The following ANO3 variants were observed in gnomAD, a reference collection of about 807,000 sequenced individuals.
The protein encoded by ANO3 is anoctamin 3, also known as anoctamin-3.
In ANO3, 99 loss-of-function variants were observed where a neutral mutation model predicts 144.8. The observed-to-expected ratio is 0.68, with a 90% CI of 0.58 to 0.81. The LOEUF is 0.81. Among genes scored for constraint, ANO3 ranks in the 30% least tolerant of loss-of-function variants. The probability of loss-of-function intolerance (pLI) is 0.00; values close to 1 mark genes in which losing one functional copy is unlikely to be tolerated. For missense variants in ANO3, 905 were observed against 1,202.2 expected, an observed-to-expected ratio of 0.75 and a Z score of 3.66; for synonymous variants, 414 against 392.6, an observed-to-expected ratio of 1.05 and a Z score of -0.64.
intron 3 of ANO3, among the ~76,000 whole-genome samples, chr11:26,447,976 TG>T (rs1353845599): frequency 2.0e-5 from 3 of 152,158 alleles, no homozygotes; most frequent in Non-Finnish European, 2.9e-5. Flanking sequence ...CCCATGCCCA[TG>T]TGGCTATAAA....
At chr11:26,244,116 G>GGAA in intron 1 of ANO3, among the ~76,000 whole-genome samples, 1 of 94,706 alleles carries the variant, frequency 1.1e-5, no homozygotes, top group African/African-American at 3.9e-5. Flanking sequence ...GACTCTGTCT[G>GGAA]AAAAAAAAAA....
At chr11:26,599,441 A>C in intron 16 of ANO3, 109 bp from the exon 17 acceptor site, 3 of 1,111,224 alleles carry the variant, frequency 2.7e-6, no homozygotes, top group East Asian at 4.8e-5. Context: ...CTTTCTTGGA[A>C]AGGTAAATAC....
chr11:26,407,784 C>T (rs928809001), intron 1 of ANO3, among the ~76,000 whole-genome samples: 8 of 151,954 alleles, frequency 5.3e-5, no homozygotes, highest in African/African-American at 1.4e-4. Context: ...TTGAGAGCTG[C>T]TCCATGCTTT....
At position 26,647,799 on chromosome 11, in the gene ANO3, G is replaced by A. The variant is rs760440839; in HGVS notation, c.2519G>A (p.Arg840His). 30 of 1,612,992 alleles carry A rather than the reference G, an allele frequency of 1.9e-5. No homozygotes were observed. Among genetic ancestry groups the A allele is most frequent in the Non-Finnish European group, 2.4e-5 (28 of 1,179,432 alleles). The change falls in exon 24 of 27, where the codon CGT (arginine) becomes CAT (histidine). Residue 840 changes from arginine (R) to histidine (H), a missense_variant. Physicochemically the swap from Arg to His is conservative, Grantham distance 29. Around this residue, in one of 4 missense-constraint regions of ANO3, gnomAD observed 597 missense variants for 865.1 expected, o/e 0.69. Coordinates refer to ENST00000256737, the MANE Select transcript of ANO3 (RefSeq NM_031418.4). ...GCTATTACTTCTGATTACATCCCAC[G>A]TTTTGTTTATGAATACAAATATGGC... ...VIAITSDYIP[R>H]FVYEYKYGPC...
intron 12 of ANO3, among the ~76,000 whole-genome samples, chr11:26,548,130 A>G (rs1172416428): frequency 6.6e-6 from 1 of 151,878 alleles, no homozygotes; most frequent in Non-Finnish European, 1.5e-5. Flanking sequence ...CTACCCTATT[A>G]TTACTCTCTG....
chr11:26,546,906 A>G (rs1340085735), intron 11 of ANO3, among the ~76,000 whole-genome samples: 1 of 151,888 alleles, frequency 6.6e-6, no homozygotes, highest in African/African-American at 2.4e-5. Context: ...GGTAAGTGCC[A>G]TGTGCTTTGG....
chr11:26,189,357 A>T (rs1851432674), intron 1 of ANO3: 1 of 979,492 alleles, frequency 1.0e-6, no homozygotes, highest in South Asian at 4.7e-5. Flanking sequence ...ATTGATATGT[A>T]TGAGTATCTT....
At chr11:26,402,084 T>G (rs1483438001) in intron 1 of ANO3, among the ~76,000 whole-genome samples, 1 of 152,090 alleles carries the variant, frequency 6.6e-6, no homozygotes, top group Non-Finnish European at 1.5e-5. Flanking sequence ...TTTGCTATTG[T>G]GAAGAGTGCT....
intron 1 of ANO3, among the ~76,000 whole-genome samples, chr11:26,189,612 T>C (rs571077360): frequency 1.2e-4 from 19 of 152,328 alleles, no homozygotes; most frequent in African/African-American, 4.6e-4. Context: ...CTCTGAATGC[T>C]CAGGCCTATC....
At position 26,586,503 on chromosome 11, in the gene ANO3, CTTTT is replaced by C. The variant is rs550057766; in HGVS notation, c.1448-11847_1448-11844del. On this transcript the variant is annotated intron_variant, in intron 14 of 26. Transcript: ENST00000256737. ...AAGAAGGGGCTTCCCTGGTGAGAAT[CTTTT>C]TTTTTTTTTTTTTTGAGACATAGTC... Among the ~76,000 whole-genome samples, 4 of 81,454 alleles carry C rather than the reference CTTTT, an allele frequency of 4.9e-5. 1 individual carries two copies. The highest frequency in any genetic ancestry group is 4.9e-4 in the Admixed American group (3 of 6,132). The allele number at this position is 81,454 out of a possible 152,430, so 53.4% of individuals were successfully genotyped here.
chr11:26,596,017 A>C (rs575813317), intron 14 of ANO3, among the ~76,000 whole-genome samples: 1 of 152,168 alleles, frequency 6.6e-6, no homozygotes, highest in African/African-American at 2.4e-5. Flanking sequence ...CAGTGGTCTC[A>C]GTGTTTTGGG....
At chr11:26,561,662 TTGA>T (rs1332779015) in intron 14 of ANO3, among the ~76,000 whole-genome samples, 25 of 151,996 alleles carry the variant, frequency 1.6e-4, no homozygotes, top group African/African-American at 5.8e-4. Flanking sequence ...TCACAGTATC[TTGA>T]TGGCTAAACC....
intron 3 of ANO3, among the ~76,000 whole-genome samples, chr11:26,452,442 T>C (rs997026758): frequency 8.5e-5 from 13 of 152,186 alleles, no homozygotes; most frequent in African/African-American, 3.1e-4. Flanking sequence ...TGCAGAAGCC[T>C]CAGGAGCCGA....
chr11:26,203,777 T>C (rs1450292382), intron 1 of ANO3, among the ~76,000 whole-genome samples: 2 of 152,128 alleles, frequency 1.3e-5, no homozygotes, highest in Non-Finnish European at 2.9e-5. Context: ...TAACTAAAAA[T>C]AGTTAATATG....
chr11:26,532,164 T>C (rs749062464), intron 8 of ANO3, among the ~76,000 whole-genome samples: 27 of 152,160 alleles, frequency 1.8e-4, no homozygotes, highest in Non-Finnish European at 3.4e-4. Flanking sequence ...AACATAGCCA[T>C]CAATCAATGG....
chr11:26,375,214 A>C (rs1856373042), intron 1 of ANO3, among the ~76,000 whole-genome samples: 1 of 152,146 alleles, frequency 6.6e-6, no homozygotes, highest in African/African-American at 2.4e-5. Flanking sequence ...CATCACTCAC[A>C]TGTGCAGTTC....
intron 17 of ANO3, among the ~76,000 whole-genome samples, chr11:26,607,286 T>A (rs1851963459): frequency 6.6e-6 from 1 of 152,196 alleles, no homozygotes; most frequent in South Asian, 2.1e-4. Flanking sequence ...GAGAATCTGA[T>A]AACTATGTGT....
At chr11:26,460,397 C>A (rs1859344829) in intron 3 of ANO3, among the ~76,000 whole-genome samples, 1 of 93,726 alleles carries the variant, frequency 1.1e-5, no homozygotes, top group Non-Finnish European at 1.9e-5. Context: ...TCCAGTATAC[C>A]AAGAAAGAAA....
intron 17 of ANO3, among the ~76,000 whole-genome samples, chr11:26,601,779 A>T (rs1851806382): frequency 6.6e-6 from 1 of 152,208 alleles, no homozygotes; most frequent in Non-Finnish European, 1.5e-5. Context: ...TGGCCCTATT[A>T]TCTGGGAAAA....
Sources: gnomAD v4.1 joint callset for allele counts (sites outside exome capture counted in the v4.1 genomes callset) on GRCh38, gnomAD v4.1.1 for gene constraint, gnomAD v4.1.1 regional missense constraint, MANE v1.5 for transcripts, NCBI Gene and HGNC (gene_info 2026-07-23, HGNC 2026-07-21) for gene names.